Variants in COL5A2 observed in about 807,000 individuals in gnomAD.
The protein encoded by COL5A2 is collagen alpha-2(V) chain.
Under a neutral mutation model 208.2 loss-of-function variants are expected in COL5A2, and 23 were observed. That is an observed-to-expected ratio of 0.11 (90% CI 0.08 to 0.16). COL5A2 has a LOEUF of 0.16. Ranked by LOEUF, COL5A2 falls within the 10% of genes least tolerant of loss-of-function variation. The probability of loss-of-function intolerance (pLI) is 1.00; values close to 1 mark genes in which losing one functional copy is unlikely to be tolerated. For missense variants in COL5A2, 1,590 were observed against 1,956.4 expected (o/e 0.81, Z 3.53); for synonymous variants, 625 against 628.5 (o/e 0.99, Z 0.08).
the COL5A2 span, among the ~76,000 whole-genome samples, chr2:189,271,887 T>A: frequency 1.3e-5 from 2 of 152,114 alleles, no homozygotes; most frequent in African/African-American, 4.8e-5. Context: ...GACATTTATG[T>A]GGCCAACAAA....
At position 189,132,875 on chromosome 2, in the gene COL5A2, C is replaced by T. The variant is rs540709805; in HGVS notation, c.98-22426G>A. ...GGCAGAGATTGCAGCGAGCTGAGAT[C>T]GCACCACTGCACTCCAGCCTGGATA... On this transcript the variant is annotated intron_variant, in intron 1 of 53. Transcript: ENST00000374866. Among the ~76,000 whole-genome samples, 46 of 151,562 alleles carry T rather than the reference C, an allele frequency of 3.0e-4. No homozygotes were observed. The East Asian group carries it at 4.5e-3, about 15-fold the overall frequency.
At chr2:189,242,118 T>A in the COL5A2 span, among the ~76,000 whole-genome samples, 18 of 152,232 alleles carry the variant, frequency 1.2e-4, no homozygotes, top group African/African-American at 4.1e-4. Flanking sequence ...CCTTGTCATA[T>A]GTATAGTGTG....
At chr2:189,166,181 T>C (rs1182151004) in intron 1 of COL5A2, among the ~76,000 whole-genome samples, 5 of 152,266 alleles carry the variant, frequency 3.3e-5, no homozygotes, top group Non-Finnish European at 5.9e-5. Context: ...GTATCACTTA[T>C]ATACTCTTGG....
rs1685564937 is a variant in COL5A2, at chr2:189,041,643, T to C, written c.3576A>G (p.Pro1192=). Residue 1192 remains proline (P), a synonymous_variant, in exon 50 of 54, where the codon CCA becomes CCG. Transcript: ENST00000374866. ...CACCTGGAGGTCCAATTGGCCCAAGTGGCCCAGGGTTTCCTTCTTTACCTG... is the reference window on the plus strand; with the variant it reads ...CACCTGGAGGTCCAATTGGCCCAAGCGGCCCAGGGTTTCCTTCTTTACCTG... ...GPSGKEGNPG[P]LGPIGPPGVR... The C allele has an allele frequency of 1.9e-6, 3 of 1,614,140 alleles. No individual in the cohort carries two copies. Among genetic ancestry groups the C allele is most frequent in the Non-Finnish European group, 2.5e-6 (3 of 1,179,980 alleles).
At chr2:189,397,654 A>C in the COL5A2 span, among the ~76,000 whole-genome samples, 1 of 151,956 alleles carries the variant, frequency 6.6e-6, no homozygotes, top group Non-Finnish European at 1.5e-5. Flanking sequence ...ATCTGTGATG[A>C]TGTCTCCTTT....
intron 47 of COL5A2, 58 bp from the exon 48 acceptor site, chr2:189,043,316 A>G (rs1223450966): frequency 8.3e-7 from 1 of 1,198,410 alleles, no homozygotes; most frequent in African/African-American, 1.5e-5. Flanking sequence ...TGAGACTAAA[A>G]TTTACTAAAA....
At chr2:189,430,218 C>T in the COL5A2 span, among the ~76,000 whole-genome samples, 1 of 152,114 alleles carries the variant, frequency 6.6e-6, no homozygotes, top group African/African-American at 2.4e-5. Flanking sequence ...CTCTGAAGTC[C>T]TACAGAAAGA....
chr2:189,398,242 T>C, the COL5A2 span, among the ~76,000 whole-genome samples: 1 of 152,162 alleles, frequency 6.6e-6, no homozygotes, highest in African/African-American at 2.4e-5. Flanking sequence ...TTTATATAAG[T>C]TTTCTTCAGT....
At chr2:189,250,154 A>G in the COL5A2 span, among the ~76,000 whole-genome samples, 2 of 152,342 alleles carry the variant, frequency 1.3e-5, no homozygotes, top group South Asian at 4.1e-4. Context: ...GGTGCTAGGG[A>G]AATGAAACAC....
At chr2:189,243,473 T>C in the COL5A2 span, among the ~76,000 whole-genome samples, 1 of 152,156 alleles carries the variant, frequency 6.6e-6, no homozygotes, top group African/African-American at 2.4e-5. Context: ...GAAACTCCCA[T>C]TTTTAAAATC....
At chr2:189,291,627 T>C in the COL5A2 span, among the ~76,000 whole-genome samples, 1 of 152,126 alleles carries the variant, frequency 6.6e-6, no homozygotes, top group Non-Finnish European at 1.5e-5. Context: ...ACTTCAGACA[T>C]ACCATACAAC....
chr2:189,041,044 G>A (rs1305258782), intron 50 of COL5A2, among the ~76,000 whole-genome samples: 1 of 152,186 alleles, frequency 6.6e-6, no homozygotes, highest in Non-Finnish European at 1.5e-5. Context: ...GTACACCTGT[G>A]CATGGAAGAT....
chr2:189,039,211 C>T, intron 51 of COL5A2, 61 bp downstream of exon 51: 2 of 1,580,216 alleles, frequency 1.3e-6, no homozygotes, highest in Middle Eastern at 1.7e-4. Context: ...TTTTGGAATG[C>T]AGTTGAGAAT....
At chr2:189,413,210 G>A in the COL5A2 span, among the ~76,000 whole-genome samples, 2 of 152,124 alleles carry the variant, frequency 1.3e-5, no homozygotes, top group African/African-American at 4.8e-5. Flanking sequence ...ATAGATCAGG[G>A]AAGCTATTGA....
chr2:189,246,331 G>C, the COL5A2 span, among the ~76,000 whole-genome samples: 2 of 151,988 alleles, frequency 1.3e-5, no homozygotes, highest in Non-Finnish European at 2.9e-5. Flanking sequence ...TGGCCAAAGG[G>C]AGAAAGATTA....
the COL5A2 span, among the ~76,000 whole-genome samples, chr2:189,407,731 A>G: frequency 6.6e-6 from 1 of 152,274 alleles, no homozygotes; most frequent in African/African-American, 2.4e-5. Context: ...TAAAGCAACA[A>G]ATAAATTAAC....
chr2:189,104,112 A>C, intron 3 of COL5A2, 152 bp downstream of exon 3: 1 of 644,726 alleles, frequency 1.6e-6, no homozygotes, highest in Non-Finnish European at 2.9e-6. Context: ...GAAACACAGT[A>C]GCTGAACTGT....
At chr2:189,183,874 C>T (rs769797584), upstream of COL5A2, among the ~76,000 whole-genome samples, 13 of 152,196 alleles carry the variant, frequency 8.5e-5, no homozygotes, top group African/African-American at 1.2e-4. Context: ...TTCCCAGACA[C>T]ATAAAGCAGT....
the COL5A2 span, among the ~76,000 whole-genome samples, chr2:189,368,451 A>G: frequency 1.3e-5 from 2 of 152,212 alleles, no homozygotes; most frequent in African/African-American, 2.4e-5. Context: ...CAAGGGGGAA[A>G]AAAAAACACT....
Sources: allele counts gnomAD v4.1 joint callset (sites outside exome capture counted in the v4.1 genomes callset), GRCh38; gene constraint gnomAD v4.1.1; transcripts MANE v1.5; gene names NCBI Gene and HGNC (gene_info 2026-07-23, HGNC 2026-07-21).